The following PLA2R1 variants were observed in gnomAD, a reference collection of about 807,000 sequenced individuals.
PLA2R1 encodes the protein secretory phospholipase A2 receptor.
In PLA2R1, 158 loss-of-function variants were observed where a neutral mutation model predicts 195.9. That is an observed-to-expected ratio of 0.81 (90% CI 0.71 to 0.92). PLA2R1 has a LOEUF of 0.92. PLA2R1 is among the 40% of genes least tolerant of loss of function. PLA2R1 has a pLI of 0.00. For missense variants in PLA2R1, 1,626 were observed against 1,764.6 expected (o/e 0.92, Z 1.41); for synonymous variants, 586 against 598.2 (o/e 0.98, Z 0.30).
intron 19 of PLA2R1, among the ~76,000 whole-genome samples, chr2:159,968,854 T>C (rs1192273856): frequency 6.6e-6 from 1 of 152,178 alleles, no homozygotes; most frequent in African/African-American, 2.4e-5. Flanking sequence ...ATTTATTAAA[T>C]AGGAAAATGG....
At chr2:160,013,074 A>C (rs1250338308) in intron 10 of PLA2R1, among the ~76,000 whole-genome samples, 189 bp downstream of exon 10, 1 of 152,226 alleles carries the variant, frequency 6.6e-6, no homozygotes, top group East Asian at 1.9e-4. Flanking sequence ...ATTATTTATT[A>C]CTCAAAAATC....
chr2:160,042,188 TG>T lies in PLA2R1; in HGVS notation c.503del (p.Thr168LysfsTer60). 6.2e-7 allele frequency: 1 copy of T among 1,612,894 alleles called. No homozygotes were observed. The highest frequency in any genetic ancestry group is 8.5e-7 in the Non-Finnish European group (1 of 1,179,142). The part of the protein sequence containing the change: ...ICEYLHKDLH[T>X]IKGNTHGMPC... ...GCATCCCGTGGGTGTTCCCTTTGAT[TG>T]TATGCAAATCTAGGAGAAAGAAATG... is the stretch of plus-strand genomic sequence containing the variant. On this transcript the variant is annotated frameshift_variant, in exon 3 of 30. Transcript: ENST00000283243. LOFTEE classifies it high-confidence loss of function.
chr2:159,965,192 C>T (rs1430148104), intron 20 of PLA2R1, among the ~76,000 whole-genome samples: 2 of 152,194 alleles, frequency 1.3e-5, no homozygotes, highest in African/African-American at 4.8e-5. Context: ...TTAGGGTTCA[C>T]TCTTTGTGTT....
chr2:159,981,223 GT>G (rs1375681651), intron 13 of PLA2R1, among the ~76,000 whole-genome samples: 3 of 151,388 alleles, frequency 2.0e-5, no homozygotes, highest in African/African-American at 7.3e-5. Flanking sequence ...ATACGTGTGT[GT>G]GTGTGTGTGT....
intron 1 of PLA2R1, 46 bp from the exon 2 acceptor site, chr2:160,045,203 T>A: frequency 7.0e-7 from 1 of 1,431,866 alleles, no homozygotes; most frequent in Non-Finnish European, 9.6e-7. Flanking sequence ...CATATATAAT[T>A]AACTAGCGTC....
At chr2:159,990,621 T>C (rs1428100208) in intron 11 of PLA2R1, among the ~76,000 whole-genome samples, 2 of 152,174 alleles carry the variant, frequency 1.3e-5, no homozygotes, top group African/African-American at 2.4e-5. Context: ...CTCTCCTTCT[T>C]CTCTCCTCTA....
At chr2:159,995,729 A>G (rs1691165678) in intron 11 of PLA2R1, among the ~76,000 whole-genome samples, 1 of 152,056 alleles carries the variant, frequency 6.6e-6, no homozygotes, top group South Asian at 2.1e-4. Flanking sequence ...TTCACTTTGC[A>G]TGCATCTTTC....
intron 11 of PLA2R1, among the ~76,000 whole-genome samples, chr2:160,001,474 C>T (rs932695585): frequency 2.8e-4 from 43 of 151,626 alleles, no homozygotes; most frequent in Admixed American, 2.8e-3. Flanking sequence ...TACATAATCA[C>T]AAAAAATATA....
intron 1 of PLA2R1, among the ~76,000 whole-genome samples, chr2:160,050,591 G>T (rs1177587633): frequency 6.6e-6 from 1 of 152,188 alleles, no homozygotes; most frequent in Non-Finnish European, 1.5e-5. Flanking sequence ...TGAAGTAGGT[G>T]ACTTGAAATT....
chr2:159,965,237 C>T (rs950890151), intron 20 of PLA2R1, among the ~76,000 whole-genome samples: 4 of 152,214 alleles, frequency 2.6e-5, no homozygotes, highest in African/African-American at 9.6e-5. Flanking sequence ...TGTCTAGTGA[C>T]ATGCATCCAC....
At chr2:159,978,662 T>C (rs1260661942) in intron 14 of PLA2R1, among the ~76,000 whole-genome samples, 8 of 152,192 alleles carry the variant, frequency 5.3e-5, no homozygotes, top group Admixed American at 5.2e-4. Flanking sequence ...CTGTCTCATG[T>C]AGTGGCTGCC....
At position 160,009,170 on chromosome 2, in the gene PLA2R1, C is replaced by A. The variant is rs1200425507; in HGVS notation, c.1665-3349G>T. ...AGTGGTTCCTTAAAAAATTTAAAAT[C>A]AAATTATCATATGATCCAGCAATTT... On this transcript the variant is annotated intron_variant, in intron 10 of 29. Coordinates refer to ENST00000283243, the MANE Select transcript of PLA2R1 (RefSeq NM_007366.5). 2.6e-5 allele frequency among the ~76,000 whole-genome samples: 4 copies of A among 152,198 alleles called. No individual in the cohort carries two copies. In the East Asian group the frequency reaches 5.8e-4, roughly 22 times the overall value.
chr2:159,970,274 A>G, intron 17 of PLA2R1, 62 bp from the exon 18 acceptor site: 1 of 1,156,446 alleles, frequency 8.6e-7, no homozygotes, highest in East Asian at 2.4e-5. Context: ...TATTAAGAGT[A>G]ATGGGGTTGC....
Position 160,045,014 on chromosome 2 carries a change from C to A in PLA2R1, c.253G>T (p.Gly85Ter). 6.2e-7 allele frequency: 1 copy of A among 1,614,002 alleles called. No individual in the cohort carries two copies. Among genetic ancestry groups the A allele is most frequent in the Non-Finnish European group, 8.5e-7 (1 of 1,179,838 alleles). The change falls in exon 2 of 30, where the codon GGA (glycine) becomes TGA (stop). Residue 85 changes from glycine to a stop codon, truncating the protein, a stop_gained. Transcript: ENST00000283243. LOFTEE classifies it high-confidence loss of function. Reference protein sequence around the residue: ...WVSNHGLFNIGGSGCLGLNFS... With the variant: ...WVSNHGLFNI ...TTCAGGCCCAGGCAACCACTGCCTCCTATGTTAAAGAGGCCATGGTTTGAA... is the reference window on the plus strand; with the variant it reads ...TTCAGGCCCAGGCAACCACTGCCTCATATGTTAAAGAGGCCATGGTTTGAA...
At chr2:160,003,146 T>C (rs1691719021) in intron 11 of PLA2R1, among the ~76,000 whole-genome samples, 1 of 151,968 alleles carries the variant, frequency 6.6e-6, no homozygotes, top group Admixed American at 6.5e-5. Context: ...TTGGTTACTA[T>C]TTAGAAAAAT....
At chr2:160,004,685 C>G (rs915817368) in intron 11 of PLA2R1, among the ~76,000 whole-genome samples, 2 of 152,192 alleles carry the variant, frequency 1.3e-5, no homozygotes, top group African/African-American at 2.4e-5. Context: ...TACAGGCAAG[C>G]AAGAACTCAC....
intron 8 of PLA2R1, 79 bp from the exon 9 acceptor site, chr2:160,016,791 AT>A (rs1425996470): frequency 4.1e-6 from 3 of 727,746 alleles, no homozygotes; most frequent in South Asian, 1.6e-5. Flanking sequence ...TATAAAAAAA[AT>A]ATGATGAATA....
chr2:160,034,303 T>C (rs1694040755), intron 3 of PLA2R1, among the ~76,000 whole-genome samples: 1 of 152,178 alleles, frequency 6.6e-6, no homozygotes, highest in Non-Finnish European at 1.5e-5. Flanking sequence ...TAAGGTTGTC[T>C]ATAGAGTTTC....
chr2:160,013,327 G>A lies in PLA2R1; in HGVS notation c.1600C>T (p.Arg534Ter), dbSNP rs748435935. The change falls in exon 10 of 30, where the codon CGA becomes TGA. Residue 534 changes from arginine to a stop codon, truncating the protein, a stop_gained. Transcript: ENST00000283243. LOFTEE classifies it high-confidence loss of function. ...GFCYKIDTVLRSFDQASSGYY... is the reference protein window; with the variant it reads ...GFCYKIDTVL ...CCGCTGGAAGCTTGGTCAAAGCTTC[G>A]AAGGACTGTGTCAATTTTGTAACAG... is the stretch of plus-strand genomic sequence containing the variant. 38 of 1,611,098 alleles carry A rather than the reference G, an allele frequency of 2.4e-5. No homozygotes were observed. The highest frequency in any genetic ancestry group is 3.1e-5 in the Non-Finnish European group (36 of 1,177,668).
Sources: allele counts gnomAD v4.1 joint callset (sites outside exome capture counted in the v4.1 genomes callset), GRCh38; gene constraint gnomAD v4.1.1; transcripts MANE v1.5; gene names NCBI Gene and HGNC (gene_info 2026-07-23, HGNC 2026-07-21).